EPHB1: variants seen among roughly 807,000 people sequenced by gnomAD.
EPHB1 encodes ephrin type-B receptor 1.
Under a neutral mutation model 94.4 loss-of-function variants are expected in EPHB1, and 30 were observed. The ratio of observed to expected loss-of-function variants is 0.32; its 90% CI spans 0.24 to 0.43. The LOEUF (loss-of-function observed/expected upper bound fraction) is 0.43, where lower values mean the gene tolerates loss of function less well. Ranked by LOEUF, EPHB1 falls within the 20% of genes least tolerant of loss-of-function variation. EPHB1 has a pLI of 1.00. For missense variants in EPHB1, 1,055 were observed against 1,308.3 expected, an observed-to-expected ratio of 0.81 and a Z score of 2.99; for synonymous variants, 522 against 489.1, an observed-to-expected ratio of 1.07 and a Z score of -0.89.
intron 1 of EPHB1, among the ~76,000 whole-genome samples, chr3:134,901,153 C>T (rs1045674695): frequency 6.6e-6 from 1 of 151,948 alleles, no homozygotes; most frequent in African/African-American, 2.4e-5. Context: ...TTTAACATAA[C>T]CACAATATTA....
intron 4 of EPHB1, among the ~76,000 whole-genome samples, chr3:135,111,648 T>C (rs1426787378): frequency 1.3e-5 from 2 of 152,122 alleles, no homozygotes; most frequent in African/African-American, 4.8e-5. Context: ...CTCAGAATAA[T>C]CCCCACCTGT....
chr3:135,103,070 C>T (rs771244467), intron 3 of EPHB1, among the ~76,000 whole-genome samples: 4 of 151,874 alleles, frequency 2.6e-5, no homozygotes, highest in Non-Finnish European at 4.4e-5. Context: ...TGCAGCAAAC[C>T]ACAATGGCAC....
chr3:135,237,189 G>T (rs905953306), intron 12 of EPHB1, among the ~76,000 whole-genome samples: 1 of 151,986 alleles, frequency 6.6e-6, no homozygotes, highest in Non-Finnish European at 1.5e-5. Flanking sequence ...CTGCTGGCAG[G>T]TGTGGATGTG....
chr3:134,978,597 G>T (rs1934283440), intron 3 of EPHB1, among the ~76,000 whole-genome samples: 1 of 152,132 alleles, frequency 6.6e-6, no homozygotes, highest in African/African-American at 2.4e-5. Context: ...CCTTTCAGTT[G>T]GCACAACTCC....
At chr3:134,804,319 A>G (rs758085018) in intron 1 of EPHB1, among the ~76,000 whole-genome samples, 1 of 151,682 alleles carries the variant, frequency 6.6e-6, no homozygotes, top group Non-Finnish European at 1.5e-5. Context: ...ATCAGATCTC[A>G]TGAGACTTAT....
At chr3:134,901,013 C>T (rs1378422209) in intron 1 of EPHB1, among the ~76,000 whole-genome samples, 1 of 151,940 alleles carries the variant, frequency 6.6e-6, no homozygotes, top group Non-Finnish European at 1.5e-5. Flanking sequence ...TCATACAGTA[C>T]CTAATTTAAT....
chr3:135,025,099 TTCCCTCCC>T (rs546186986), intron 3 of EPHB1, among the ~76,000 whole-genome samples: 1 of 137,120 alleles, frequency 7.3e-6, no homozygotes, highest in Non-Finnish European at 1.6e-5. Context: ...CCTTCCTTCC[TTCCCTCCC>T]TCCCTCCCTC....
At chr3:135,124,569 T>C (rs752550253) in intron 4 of EPHB1, among the ~76,000 whole-genome samples, 2 of 151,668 alleles carry the variant, frequency 1.3e-5, no homozygotes, top group Admixed American at 1.3e-4. Context: ...ATTACAACAC[T>C]CCTATGGGTT....
chr3:135,187,759 G>T (rs1942363001), intron 10 of EPHB1, among the ~76,000 whole-genome samples: 1 of 152,092 alleles, frequency 6.6e-6, no homozygotes, highest in Non-Finnish European at 1.5e-5. Flanking sequence ...ACTTCACCAT[G>T]TCCCCTGGCA....
Position 134,951,910 on chromosome 3 carries a change from T to C in EPHB1, c.663T>C (p.Ala221=). Reference sequence around the variant, plus strand: ...CAGAGAGCACATCTCTGGTGATTGCTCGGGGCACATGCATCCCCAACGCAG... The same window carrying C: ...CAGAGAGCACATCTCTGGTGATTGCCCGGGGCACATGCATCCCCAACGCAG... The part of the protein sequence containing the change: ...TGAESTSLVI[A]RGTCIPNAEE... Residue 221 remains alanine (A), a synonymous_variant, in exon 3 of 16, where the codon GCT becomes GCC. Coordinates refer to ENST00000398015, the MANE Select transcript of EPHB1 (RefSeq NM_004441.5). This position sits in a 1 kb window ranked among gnomAD's most constrained non-coding sequence, Gnocchi z 4.5. The C allele has an allele frequency of 3.7e-6, 6 of 1,614,020 alleles. No homozygotes were observed. In the South Asian group the frequency reaches 6.6e-5, roughly 18 times the overall value.
intron 10 of EPHB1, among the ~76,000 whole-genome samples, chr3:135,185,379 G>C (rs78991518): frequency 0.016 from 2,416 of 152,242 alleles, 26 homozygotes; most frequent in Middle Eastern, 0.034. Context: ...TAGAAGTTAC[G>C]GCAAGAAGCA....
rs61369813 is a variant in EPHB1 at position 134,959,966 on chromosome 3, C to CTTTTTTTTT, written c.805+7948_805+7956dup. ...AGAATTTGAGCACAAACATCTGCACCTTTTTTTTTTTTTTTTTTTTTTTTT... is the reference window on the plus strand; with the variant it reads ...AGAATTTGAGCACAAACATCTGCACCTTTTTTTTTTTTTTTTTTTTTTTTTTTTTTTTTT... On this transcript the variant is annotated intron_variant, in intron 3 of 15. Transcript: ENST00000398015. Among the ~76,000 whole-genome samples the CTTTTTTTTT allele has an allele frequency of 4.7e-4, 51 of 107,414 alleles. 5 individuals are homozygous for CTTTTTTTTT. Among genetic ancestry groups the CTTTTTTTTT allele is most frequent in the East Asian group, 2.1e-3 (5 of 2,424 alleles). The allele number at this position is 107,414 out of a possible 152,430, so 70.5% of individuals were successfully genotyped here. A position where few individuals can be genotyped will look rare whatever the true frequency, so the allele number is the denominator to read the frequency against.
intron 3 of EPHB1, among the ~76,000 whole-genome samples, chr3:134,960,575 T>C (rs546913298): frequency 9.0e-4 from 137 of 152,300 alleles, no homozygotes; most frequent in African/African-American, 3.1e-3. Flanking sequence ...CATCTTCCTT[T>C]GTACCCACCT....
intron 1 of EPHB1, among the ~76,000 whole-genome samples, chr3:134,879,751 A>G (rs556924722): frequency 7.6e-4 from 115 of 152,314 alleles, no homozygotes; most frequent in African/African-American, 2.7e-3. Context: ...TAGAGATAAG[A>G]CAGGTCTGTA....
rs138139300 is a variant in EPHB1, at chr3:135,258,901, G to A, written c.2847-111G>A. 918 of 970,842 alleles carry A rather than the reference G, an allele frequency of 9.5e-4. 1 individual carries two copies. In the African/African-American group the frequency reaches 0.013, roughly 14 times the overall value. 60.1% of individuals were successfully genotyped at this position (970,842 alleles called of 1,614,324 possible). A position where few individuals can be genotyped will look rare whatever the true frequency, so the allele number is the denominator to read the frequency against. On this transcript the variant is annotated intron_variant, in intron 15 of 15. Transcript: ENST00000398015. Reference sequence around the variant, plus strand: ...AATTTGGGTAAACTTAAGCTAGTTGGATTTTTGTAGCATGGCTACTTCCCA... The same window carrying A: ...AATTTGGGTAAACTTAAGCTAGTTGAATTTTTGTAGCATGGCTACTTCCCA...
intron 1 of EPHB1, among the ~76,000 whole-genome samples, chr3:134,830,082 TA>T (rs778983359): frequency 3.3e-5 from 5 of 152,212 alleles, no homozygotes; most frequent in Non-Finnish European, 7.3e-5. Context: ...CCCAGGAAGC[TA>T]ATACAGCCCT....
At chr3:135,026,286 C>T (rs1936165527) in intron 3 of EPHB1, among the ~76,000 whole-genome samples, 1 of 130,408 alleles carries the variant, frequency 7.7e-6, no homozygotes, top group Non-Finnish European at 1.6e-5. Flanking sequence ...GAAGTCCTTG[C>T]CCATGCCTAT....
intron 3 of EPHB1, among the ~76,000 whole-genome samples, chr3:135,047,563 G>A (rs1444125819): frequency 2.0e-5 from 3 of 152,182 alleles, no homozygotes; most frequent in African/African-American, 7.2e-5. Context: ...TTCCCTGCCT[G>A]CAGCTCTCAG....
chr3:135,216,694 A>C (rs13065903), intron 12 of EPHB1, among the ~76,000 whole-genome samples: 34,314 of 138,142 alleles, frequency 0.25, 4,454 homozygotes, highest in Non-Finnish European at 0.3. Context: ...CTGCACTCCA[A>C]CCTGGGCCAC....
Sources: gnomAD v4.1 joint callset for allele counts (sites outside exome capture counted in the v4.1 genomes callset) on GRCh38, gnomAD v4.1.1 for gene constraint, Gnocchi (gnomAD v3.1) non-coding constraint, MANE v1.5 for transcripts, NCBI Gene and HGNC (gene_info 2026-07-23, HGNC 2026-07-21) for gene names.